Variants in SBNO2 observed in about 807,000 individuals in gnomAD.
SBNO2 encodes protein strawberry notch homolog 2.
In SBNO2, 89 loss-of-function variants were observed where a neutral mutation model predicts 146.3. The ratio of observed to expected loss-of-function variants is 0.61; its 90% CI spans 0.51 to 0.73. The LOEUF (loss-of-function observed/expected upper bound fraction) is 0.73, where lower values mean the gene tolerates loss of function less well. Among genes scored for constraint, SBNO2 ranks in the 30% least tolerant of loss-of-function variants. SBNO2 has a pLI of 0.00. For missense variants in SBNO2, 2,092 were observed against 2,003.7 expected (o/e 1.04, Z -0.84); for synonymous variants, 1,147 against 892.6 (o/e 1.29, Z -5.08).
chr19:1,156,004 G>A (rs1376603921), intron 1 of SBNO2, among the ~76,000 whole-genome samples: 1 of 152,226 alleles, frequency 6.6e-6, no homozygotes, highest in Non-Finnish European at 1.5e-5. Flanking sequence ...ACAGTCCTGA[G>A]CTGATGGGCA....
intron 4 of SBNO2, among the ~76,000 whole-genome samples, chr19:1,142,481 A>G (rs2080150519): frequency 6.6e-6 from 1 of 152,222 alleles, no homozygotes; most frequent in Non-Finnish European, 1.5e-5. Context: ...GGAGTTCGAG[A>G]CCAGCCTGGC....
intron 1 of SBNO2, among the ~76,000 whole-genome samples, chr19:1,164,515 G>A (rs2080384964): frequency 7.4e-6 from 1 of 134,522 alleles, no homozygotes; most frequent in East Asian, 2.4e-4. Flanking sequence ...GGAGGAGGAG[G>A]AGGAGGAACA....
At position 1,112,060 on chromosome 19, in the gene SBNO2, A is replaced by G; in HGVS notation, c.2636T>C (p.Leu879Pro). The G allele has an allele frequency of 6.2e-7, 1 of 1,612,322 alleles. No homozygotes were observed. The highest frequency in any genetic ancestry group is 8.5e-7 in the Non-Finnish European group (1 of 1,179,710). ...VAKRLESLGA[L>P]THGDRRATES... ...CGTGGCGCGGCGGTCTCCGTGGGTC[A>G]GGGCCCCCTGCCAGGGGTGGGGAGG... is the stretch of plus-strand genomic sequence containing the variant. The change falls in exon 23 of 32, where the codon CTG becomes CCG. Residue 879 changes from leucine to proline, a missense_variant. Transcript: ENST00000361757. The surrounding 1 kb of genome is among the most constrained non-coding windows in gnomAD (Gnocchi z 5.9).
intron 4 of SBNO2, among the ~76,000 whole-genome samples, chr19:1,130,392 T>G (rs1350684132): frequency 6.6e-6 from 1 of 152,098 alleles, no homozygotes; most frequent in Non-Finnish European, 1.5e-5. Context: ...CTCAGGAGGC[T>G]GAGGCAGGAG....
chr19:1,138,147 G>T (rs1331635637), intron 4 of SBNO2, among the ~76,000 whole-genome samples: 2 of 54,982 alleles, frequency 3.6e-5, no homozygotes, highest in East Asian at 1.2e-3. Context: ...GGGGTGCAGT[G>T]GGGGGAGGCT....
In SBNO2 at chr19:1,109,602, C is replaced by T. The variant is rs377018950; in HGVS notation, c.3124-4G>A. 1.9e-6 allele frequency: 3 copies of T among 1,576,886 alleles called. No individual in the cohort carries two copies. Among genetic ancestry groups the T allele is most frequent in the Admixed American group, 1.8e-5 (1 of 54,476 alleles). On this transcript the variant is annotated splice_region_variant and splice_polypyrimidine_tract_variant and intron_variant, in intron 27 of 31. Transcript: ENST00000361757. The surrounding 1 kb of genome is among the most constrained non-coding windows in gnomAD (Gnocchi z 4.2). ...TCAGGCCGCGGTCCACGCTGATCTGCCACGGCACGGGGTGGGGGGGTGTGA... is the reference window on the plus strand; with the variant it reads ...TCAGGCCGCGGTCCACGCTGATCTGTCACGGCACGGGGTGGGGGGGTGTGA...
chr19:1,166,418 G>A (rs1340172015), intron 1 of SBNO2, among the ~76,000 whole-genome samples: 1 of 152,206 alleles, frequency 6.6e-6, no homozygotes, highest in Non-Finnish European at 1.5e-5. Flanking sequence ...TGGACAGGGT[G>A]GTGCGGCTTT....
chr19:1,115,844 C>A, intron 17 of SBNO2, 177 bp downstream of exon 17: 1 of 642,488 alleles, frequency 1.6e-6, no homozygotes, highest in Non-Finnish European at 2.8e-6. Context: ...CGTTCCATGG[C>A]AGGGTCCACG....
chr19:1,161,906 C>CGGGGGGGGGGG (rs916715232), intron 1 of SBNO2, among the ~76,000 whole-genome samples: 1 of 1,344 alleles, frequency 7.4e-4, no homozygotes, highest in Non-Finnish European at 1.6e-3. Flanking sequence ...TGGGGAGCCG[C>CGGGGGGGGGGG]GGGGGGGGGG....
At chr19:1,151,452 T>C in intron 2 of SBNO2, among the ~76,000 whole-genome samples, 1 of 152,184 alleles carries the variant, frequency 6.6e-6, no homozygotes, top group Non-Finnish European at 1.5e-5. Context: ...CCACAGCCCA[T>C]GGCTCCTCTG....
At position 1,109,471 on chromosome 19, in the gene SBNO2, C is replaced by T. The variant is rs772658001; in HGVS notation, c.3216+35G>A. On this transcript the variant is annotated intron_variant, in intron 28 of 31. Transcript: ENST00000361757. The surrounding 1 kb of genome is among the most constrained non-coding windows in gnomAD (Gnocchi z 4.2). The stretch of plus-strand genomic sequence containing the variant: ...CGCGCCCCGGTCCGCCCCCCGCGGG[C>T]CCTCCTCTGGGGGGGTAACCCCGCC... 4 of 1,572,700 alleles carry T rather than the reference C, an allele frequency of 2.5e-6. No individual in the cohort carries two copies. In the South Asian group the frequency reaches 4.7e-5, roughly 18 times the overall value.
chr19:1,157,612 C>A lies in SBNO2; in HGVS notation c.-126-3210G>T, dbSNP rs1275555795. The stretch of plus-strand genomic sequence containing the variant: ...ACACGGTTCCCACCTTGGGAGGGGG[C>A]CCGCGCTTTATCAGCACGCTGACAC... On this transcript the variant is annotated intron_variant, in intron 1 of 31. Coordinates refer to ENST00000361757, the MANE Select transcript of SBNO2 (RefSeq NM_014963.3). This position sits in a 1 kb window ranked among gnomAD's most constrained non-coding sequence, Gnocchi z 6.8. 6.6e-6 allele frequency among the ~76,000 whole-genome samples: 1 copy of A among 152,156 alleles called. No homozygotes were observed. Among genetic ancestry groups the A allele is most frequent in the Non-Finnish European group, 1.5e-5 (1 of 68,022 alleles).
Position 1,140,603 on chromosome 19 carries a change from T to TG in SBNO2, c.279+6705dup, listed in dbSNP as rs2080126346. Among the ~76,000 whole-genome samples, 2 of 99,308 alleles carry TG rather than the reference T, an allele frequency of 2.0e-5. No homozygotes were observed. The highest frequency in any genetic ancestry group is 3.7e-5 in the African/African-American group (1 of 27,218). 65.1% of individuals were successfully genotyped at this position (99,308 alleles called of 152,430 possible). ...CCTGGCGCAGCGTGAGCCCCAGGGG[T>TG]GGGGGTGGGGGTGGCCAGGGAGCAG... On this transcript the variant is annotated intron_variant, in intron 4 of 31. Coordinates refer to ENST00000361757, the MANE Select transcript of SBNO2 (RefSeq NM_014963.3). This position sits in a 1 kb window ranked among gnomAD's most constrained non-coding sequence, Gnocchi z 4.4.
intron 1 of SBNO2, among the ~76,000 whole-genome samples, chr19:1,163,229 T>C (rs1599881296): frequency 6.6e-6 from 1 of 152,296 alleles, no homozygotes; most frequent in East Asian, 1.9e-4. Flanking sequence ...TGTGTCCCTG[T>C]TAACAACTCA....
At position 1,174,190 on chromosome 19, in the gene SBNO2, CGG is replaced by C. The variant is rs2080509301; in HGVS notation, c.-147_-146del. On this transcript the variant is annotated 5_prime_UTR_variant, in exon 1 of 32. Transcript: ENST00000361757. The stretch of plus-strand genomic sequence containing the variant: ...GCCTCACCTCGGGCCCGGGTCCGGC[CGG>C]GCGCGGAGCCCGCGGCGCCTGTTTC... 6.6e-6 allele frequency: 1 copy of C among 151,846 alleles called. No homozygotes were observed. The highest frequency in any genetic ancestry group is 1.5e-5 in the Non-Finnish European group (1 of 67,900). The allele number at this position is 151,846 out of a possible 1,614,324, so 9.4% of individuals were successfully genotyped here.
rs71932539 is a variant in SBNO2 at position 1,166,617 on chromosome 19, GCACACACA to G, written c.-127+7547_-127+7554del. Among the ~76,000 whole-genome samples the G allele has an allele frequency of 5.8e-3, 793 of 135,712 alleles. 6 individuals are homozygous for G. The highest frequency in any genetic ancestry group is 0.026 in the East Asian group (108 of 4,100). The allele number at this position is 135,712 out of a possible 152,430, so 89.0% of individuals were successfully genotyped here. A position where few individuals can be genotyped will look rare whatever the true frequency, so the allele number is the denominator to read the frequency against. ...ACAGAGCGAGACCGCAACTGCACGC[GCACACACA>G]CACACACACACACACACACACACAC... On this transcript the variant is annotated intron_variant, in intron 1 of 31. Transcript: ENST00000361757.
At chr19:1,167,311 G>A (rs910904542) in intron 1 of SBNO2, among the ~76,000 whole-genome samples, 3 of 152,378 alleles carry the variant, frequency 2.0e-5, no homozygotes, top group South Asian at 2.1e-4. Context: ...CGACACCCAC[G>A]CGCCCTCTCT....
At chr19:1,147,224 A>C in intron 4 of SBNO2, 85 bp downstream of exon 4, 1 of 916,516 alleles carries the variant, frequency 1.1e-6, no homozygotes, top group Non-Finnish European at 1.7e-6. Flanking sequence ...GGCAGGCCTG[A>C]GCGAGAGAGG....
Position 1,150,842 on chromosome 19 carries a change from G to A in SBNO2, c.94-1400C>T, listed in dbSNP as rs1465101890. Among the ~76,000 whole-genome samples the A allele has an allele frequency of 6.6e-6, 1 of 152,208 alleles. No individual in the cohort carries two copies. Among genetic ancestry groups the A allele is most frequent in the Non-Finnish European group, 1.5e-5 (1 of 68,024 alleles). On this transcript the variant is annotated intron_variant, in intron 2 of 31. Coordinates refer to ENST00000361757, the MANE Select transcript of SBNO2 (RefSeq NM_014963.3). This position sits in a 1 kb window ranked among gnomAD's most constrained non-coding sequence, Gnocchi z 6.2. ...CTGTACCCGCAGGTGCTGGGTGGGG[G>A]ATTCCAGGACCCCCGACAGCCTCGA...
Sources: allele counts gnomAD v4.1 joint callset (sites outside exome capture counted in the v4.1 genomes callset), GRCh38; gene constraint gnomAD v4.1.1; non-coding constraint Gnocchi (gnomAD v3.1); transcripts MANE v1.5; gene names NCBI Gene and HGNC (gene_info 2026-07-23, HGNC 2026-07-21).